The following PCSK5 variants were observed in gnomAD, a reference collection of about 807,000 sequenced individuals.
The protein encoded by PCSK5 is proprotein convertase subtilisin/kexin type 5.
A neutral mutation model predicts 233.2 loss-of-function variants in PCSK5; 129 were observed. The ratio of observed to expected loss-of-function variants is 0.55; its 90% confidence interval spans 0.48 to 0.64. PCSK5 has a LOEUF of 0.64. Ranked by LOEUF, PCSK5 falls within the 30% of genes least tolerant of loss-of-function variation. The probability of loss-of-function intolerance (pLI) is 0.00; values close to 1 mark genes in which losing one functional copy is unlikely to be tolerated. For synonymous variants in PCSK5, 825 were observed against 879.2 expected (o/e 0.94, Z 1.09); for missense variants, 2,076 against 2,430.1 (o/e 0.85, Z 3.06).
intron 30 of PCSK5, among the ~76,000 whole-genome samples, chr9:76,317,851 G>C (rs1158938060): frequency 6.6e-6 from 1 of 152,166 alleles, no homozygotes; most frequent in Non-Finnish European, 1.5e-5. Context: ...GAATGTGAAG[G>C]CATGGACCCA....
chr9:76,289,469 C>CCACACACA (rs201456283), intron 24 of PCSK5, among the ~76,000 whole-genome samples: 13 of 129,938 alleles, frequency 1.0e-4, no homozygotes, highest in African/African-American at 3.7e-4. Flanking sequence ...ATTCCCCTCA[C>CCACACACA]CACACACACA....
intron 7 of PCSK5, among the ~76,000 whole-genome samples, chr9:76,074,625 C>T (rs956062569): frequency 3.9e-5 from 6 of 152,198 alleles, no homozygotes; most frequent in Non-Finnish European, 7.4e-5. Context: ...TTGCCATTTA[C>T]TTCTCTCTAA....
rs191109394 is a variant in PCSK5 at position 76,317,050 on chromosome 9, T to C, written c.3885-4372T>C. 2.8e-3 allele frequency among the ~76,000 whole-genome samples: 433 copies of C among 152,246 alleles called. 1 individual carries two copies. The highest frequency in any genetic ancestry group is 9.9e-3 in the African/African-American group (411 of 41,546). Reference sequence around the variant, plus strand: ...CTACCTAGACTGCTTTCTTCTCCAATTTTTCTTACCTGAAACTATATCAGA... The same window carrying C: ...CTACCTAGACTGCTTTCTTCTCCAACTTTTCTTACCTGAAACTATATCAGA... On this transcript the variant is annotated intron_variant, in intron 30 of 37. Coordinates refer to ENST00000674117, the MANE Select transcript of PCSK5 (RefSeq NM_001372043.1).
At chr9:76,201,336 G>T (rs11144795) in intron 20 of PCSK5, among the ~76,000 whole-genome samples, 24,044 of 152,062 alleles carry the variant, frequency 0.16, 2,367 homozygotes, top group Non-Finnish European at 0.22. Context: ...TGAGCTAAAG[G>T]CTTCATATGG....
intron 31 of PCSK5, 88 bp from the exon 32 acceptor site, chr9:76,322,964 G>C (rs974813252): frequency 1.4e-5 from 10 of 723,542 alleles, no homozygotes; most frequent in Non-Finnish European, 1.9e-5. Context: ...ATCAACCAAA[G>C]TGCTGAGGGA....
chr9:76,180,405 C>A (rs749008526), intron 15 of PCSK5, among the ~76,000 whole-genome samples: 8 of 152,138 alleles, frequency 5.3e-5, no homozygotes, highest in Non-Finnish European at 5.9e-5. Flanking sequence ...TGCTTTTCCA[C>A]ATTTTCCAGC....
intron 27 of PCSK5, among the ~76,000 whole-genome samples, chr9:76,298,965 G>A (rs1828526748): frequency 6.6e-6 from 1 of 152,166 alleles, no homozygotes; most frequent in African/African-American, 2.4e-5. Context: ...GAAACAATAA[G>A]ATCCTGTTTG....
intron 3 of PCSK5, among the ~76,000 whole-genome samples, chr9:76,010,960 A>G (rs1206327105): frequency 6.6e-6 from 1 of 152,204 alleles, no homozygotes; most frequent in Non-Finnish European, 1.5e-5. Flanking sequence ...GAGTTACTAT[A>G]AAGTTCAGTG....
intron 2 of PCSK5, among the ~76,000 whole-genome samples, chr9:75,941,055 A>G (rs1005778617): frequency 6.6e-6 from 1 of 152,218 alleles, no homozygotes; most frequent in South Asian, 2.1e-4. Context: ...GTAGCTTCAA[A>G]GTGAGTTTCA....
At chr9:76,319,181 T>C (rs1287082445) in intron 30 of PCSK5, among the ~76,000 whole-genome samples, 1 of 152,054 alleles carries the variant, frequency 6.6e-6, no homozygotes, top group Non-Finnish European at 1.5e-5. Context: ...ATGTACATTG[T>C]AGGCCGGGCG....
intron 22 of PCSK5, among the ~76,000 whole-genome samples, chr9:76,238,383 C>G (rs1195000124): frequency 6.6e-6 from 1 of 152,166 alleles, no homozygotes; most frequent in Non-Finnish European, 1.5e-5. Flanking sequence ...CAGGAATGCA[C>G]GTAAAAGAGT....
chr9:76,154,532 C>T (rs1461602404), intron 10 of PCSK5, among the ~76,000 whole-genome samples: 1 of 152,142 alleles, frequency 6.6e-6, no homozygotes, highest in African/African-American at 2.4e-5. Context: ...CAGCTCAAAG[C>T]CCTGGCCCTG....
chr9:75,942,222 T>A (rs1215764669), intron 2 of PCSK5, among the ~76,000 whole-genome samples: 1 of 152,230 alleles, frequency 6.6e-6, no homozygotes, highest in African/African-American at 2.4e-5. Flanking sequence ...TAAAAGGACA[T>A]GCAAGTCTCG....
chr9:76,291,903 A>AT (rs1828288867), intron 24 of PCSK5, among the ~76,000 whole-genome samples: 1 of 152,122 alleles, frequency 6.6e-6, no homozygotes, highest in Non-Finnish European at 1.5e-5. Flanking sequence ...GACTTGGTTG[A>AT]TCCCTCTATC....
At chr9:76,236,284 C>T (rs565221958) in intron 22 of PCSK5, among the ~76,000 whole-genome samples, 1 of 152,332 alleles carries the variant, frequency 6.6e-6, no homozygotes, top group East Asian at 1.9e-4. Flanking sequence ...TTCTTTTCTT[C>T]TATGGACATC....
chr9:76,287,518 G>A (rs2643326), intron 24 of PCSK5: 32,135 of 152,996 alleles, frequency 0.21, 3,499 homozygotes, highest in Middle Eastern at 0.27. Context: ...GGAGTGCAGT[G>A]ACACAGTCTC....
At chr9:76,223,977 A>T (rs931054198) in intron 20 of PCSK5, among the ~76,000 whole-genome samples, 1 of 152,206 alleles carries the variant, frequency 6.6e-6, no homozygotes, top group Non-Finnish European at 1.5e-5. Context: ...CTAATTAAAC[A>T]TCTACGTAAA....
chr9:76,046,168 T>TTTTTG (rs1829372936), intron 5 of PCSK5, among the ~76,000 whole-genome samples: 1 of 60,620 alleles, frequency 1.6e-5, no homozygotes, highest in South Asian at 5.4e-4. Context: ...TTGTTTTTTT[T>TTTTTG]TTTTTTTTTT....
chr9:75,923,118 T>C (rs1394784312), intron 1 of PCSK5, among the ~76,000 whole-genome samples: 1 of 152,190 alleles, frequency 6.6e-6, no homozygotes, highest in Admixed American at 6.5e-5. Context: ...ATCAAGGTGT[T>C]GTGCCTGGAA....
Sources: gnomAD v4.1 joint callset for allele counts (sites outside exome capture counted in the v4.1 genomes callset) on GRCh38, gnomAD v4.1.1 for gene constraint, MANE v1.5 for transcripts, NCBI Gene and HGNC (gene_info 2026-07-23, HGNC 2026-07-21) for gene names.